The following CTNNA1 variants were observed in gnomAD, a reference collection of about 807,000 sequenced individuals.
The protein encoded by CTNNA1 is catenin alpha 1.
Under a neutral mutation model 98.4 loss-of-function variants are expected in CTNNA1, and 37 were observed. The observed-to-expected ratio is 0.38, with a 90% CI of 0.29 to 0.49. The LOEUF (loss-of-function observed/expected upper bound fraction) is 0.49. Among genes scored for constraint, CTNNA1 ranks in the 20% least tolerant of loss-of-function variants. The pLI is 0.95. For missense variants in CTNNA1, 761 were observed against 1,147.2 expected, an observed-to-expected ratio of 0.66 and a Z score of 4.86; for synonymous variants, 404 against 413.2, an observed-to-expected ratio of 0.98 and a Z score of 0.27.
chr5:138,776,608 C>T (rs1410573536), intron 1 of CTNNA1, among the ~76,000 whole-genome samples: 3 of 152,058 alleles, frequency 2.0e-5, no homozygotes, highest in African/African-American at 4.8e-5. Flanking sequence ...TCCTCACTTC[C>T]CAGTAGGAGC....
At chr5:138,811,373 G>A (rs1758765748) in intron 4 of CTNNA1, among the ~76,000 whole-genome samples, 1 of 125,154 alleles carries the variant, frequency 8.0e-6, no homozygotes, top group Non-Finnish European at 1.8e-5. Flanking sequence ...GCCGGGAAGA[G>A]GCGCTCCTCA....
In CTNNA1 at chr5:138,810,075, T is replaced by A. The variant is rs773771416; in HGVS notation, c.339T>A (p.Asp113Glu). 17 of 1,613,770 alleles carry A rather than the reference T, an allele frequency of 1.1e-5. No homozygotes were observed. Among genetic ancestry groups the A allele is most frequent in the Middle Eastern group, 1.6e-4 (1 of 6,078 alleles). ...AGGCTGCTGCAGGAGAGTTCGCAGATGATCCCTGCTCTTCTGTGAAGCGAG... is the reference window on the plus strand; with the variant it reads ...AGGCTGCTGCAGGAGAGTTCGCAGAAGATCCCTGCTCTTCTGTGAAGCGAG... ...LMKAAAGEFADDPCSSVKRGN... is the reference protein window; with the variant it reads ...LMKAAAGEFAEDPCSSVKRGN... Residue 113 changes from aspartate (D) to glutamate (E), a missense_variant, in exon 4 of 18, where the codon GAT (aspartate) becomes GAA (glutamate). Coordinates refer to ENST00000302763, the MANE Select transcript of CTNNA1 (RefSeq NM_001903.5).
intron 1 of CTNNA1, among the ~76,000 whole-genome samples, chr5:138,773,152 G>C (rs1007075959): frequency 1.3e-5 from 2 of 152,284 alleles, no homozygotes; most frequent in South Asian, 4.1e-4. Flanking sequence ...AACATGCCTT[G>C]GCTCTGTAGC....
At chr5:138,769,497 T>C (rs1353051852) in intron 1 of CTNNA1, among the ~76,000 whole-genome samples, 2 of 152,040 alleles carry the variant, frequency 1.3e-5, no homozygotes, top group African/African-American at 4.8e-5. Context: ...CAAGTGATTC[T>C]CCTGCCTCAG....
chr5:138,809,348 C>T (rs1758432687), intron 3 of CTNNA1, among the ~76,000 whole-genome samples: 1 of 152,136 alleles, frequency 6.6e-6, no homozygotes. Context: ...CTTTTGACTC[C>T]AGTCTTTCCT....
At chr5:138,870,479 G>A (rs1285123759) in intron 7 of CTNNA1, 1 of 152,266 alleles carries the variant, frequency 6.6e-6, no homozygotes, top group African/African-American at 2.4e-5. Context: ...GCTAGCCTTG[G>A]CTATGCTGTT....
chr5:138,770,691 G>A (rs1014453046), intron 1 of CTNNA1, among the ~76,000 whole-genome samples: 5 of 152,148 alleles, frequency 3.3e-5, no homozygotes, highest in Admixed American at 6.5e-5. Flanking sequence ...GGTGGCTCAT[G>A]CCTTTAATCC....
intron 3 of CTNNA1, among the ~76,000 whole-genome samples, chr5:138,785,663 C>T (rs549748962): frequency 7.2e-5 from 11 of 152,186 alleles, no homozygotes; most frequent in African/African-American, 1.9e-4. Context: ...TGGGTTCAAG[C>T]GATTCTTCTG....
intron 5 of CTNNA1, among the ~76,000 whole-genome samples, chr5:138,813,213 T>A (rs142913244): frequency 1.4e-4 from 21 of 152,314 alleles, no homozygotes; most frequent in African/African-American, 4.8e-4. Context: ...ATCACTATCG[T>A]CTTCAGTGTG....
chr5:138,865,226 G>A (rs1182576127), intron 7 of CTNNA1, among the ~76,000 whole-genome samples: 1 of 152,208 alleles, frequency 6.6e-6, no homozygotes, highest in Admixed American at 6.5e-5. Context: ...TGGTCCCAGG[G>A]ATGTGATAAA....
At position 138,916,177 on chromosome 5, in the gene CTNNA1, C is replaced by CAAAA. The variant is rs56935188; in HGVS notation, c.1390-1554_1390-1551dup. Reference sequence around the variant, plus strand: ...GAGATAGAAAGCAAATTAGTGGTTGCAAAAAAAAAAAAAAGAAGGGGCTAA... The same window carrying CAAAA: ...GAGATAGAAAGCAAATTAGTGGTTGCAAAAAAAAAAAAAAAAAAGAAGGGGCTAA... On this transcript the variant is annotated intron_variant, in intron 10 of 17. Transcript: ENST00000302763. Among the ~76,000 whole-genome samples the CAAAA allele has an allele frequency of 3.5e-4, 40 of 115,118 alleles. 1 individual carries two copies. Among genetic ancestry groups the CAAAA allele is most frequent in the Non-Finnish European group, 5.1e-4 (29 of 57,096 alleles). The allele number at this position is 115,118 out of a possible 152,430, so 75.5% of individuals were successfully genotyped here.
chr5:138,785,287 T>C (rs1335225048), intron 3 of CTNNA1, among the ~76,000 whole-genome samples: 3 of 151,786 alleles, frequency 2.0e-5, no homozygotes, highest in Non-Finnish European at 4.4e-5. Context: ...GGTCTCGATC[T>C]CCTGACCTCG....
chr5:138,856,987 G>T (rs1271437854), intron 7 of CTNNA1, among the ~76,000 whole-genome samples: 1 of 152,162 alleles, frequency 6.6e-6, no homozygotes, highest in African/African-American at 2.4e-5. Flanking sequence ...TCTGGTGAAT[G>T]AATGATTTCT....
chr5:138,912,753 T>A (rs981165242), intron 10 of CTNNA1, among the ~76,000 whole-genome samples: 1 of 133,914 alleles, frequency 7.5e-6, no homozygotes, highest in African/African-American at 3.0e-5. Flanking sequence ...TTTCCATTTT[T>A]AAAATTATAT....
chr5:138,923,963 A>G (rs1051840866), intron 11 of CTNNA1, among the ~76,000 whole-genome samples: 30 of 152,334 alleles, frequency 2.0e-4, no homozygotes, highest in African/African-American at 6.5e-4. Context: ...GGGTTATTAA[A>G]TAGTTCATCT....
chr5:138,794,640 G>A (rs759766882), intron 3 of CTNNA1, among the ~76,000 whole-genome samples: 3 of 152,122 alleles, frequency 2.0e-5, no homozygotes, highest in Non-Finnish European at 4.4e-5. Context: ...CTTTGCATCT[G>A]TATTGCCAAT....
chr5:138,916,983 A>G (rs1189893924), intron 10 of CTNNA1, among the ~76,000 whole-genome samples: 1 of 145,460 alleles, frequency 6.9e-6, no homozygotes, highest in East Asian at 1.9e-4. Flanking sequence ...CATGTTGGTC[A>G]GGCTGGTCTC....
In CTNNA1 at chr5:138,856,757, CTCAA is replaced by C. The variant is rs1763764644; in HGVS notation, c.1062+29040_1062+29043del. Among the ~76,000 whole-genome samples, 3 of 152,276 alleles carry C rather than the reference CTCAA, an allele frequency of 2.0e-5. No homozygotes were observed. The South Asian group carries it at 6.2e-4, about 32-fold the overall frequency. On this transcript the variant is annotated intron_variant, in intron 7 of 17. Transcript: ENST00000302763. Reference sequence around the variant, plus strand: ...GTGGATTTTACTAGGGTAAATTGGACTCAAGCAAGAGTGTTTCCCTCTACTACAA... The same window carrying C: ...GTGGATTTTACTAGGGTAAATTGGACGCAAGAGTGTTTCCCTCTACTACAA...
At chr5:138,823,161 T>C (rs926264121) in intron 5 of CTNNA1, among the ~76,000 whole-genome samples, 11 of 152,236 alleles carry the variant, frequency 7.2e-5, no homozygotes, top group Non-Finnish European at 1.5e-4. Flanking sequence ...TGGTGATCCA[T>C]TTTTACTAAA....
Sources: gnomAD v4.1 joint callset for allele counts (sites outside exome capture counted in the v4.1 genomes callset) on GRCh38, gnomAD v4.1.1 for gene constraint, MANE v1.5 for transcripts, NCBI Gene and HGNC (gene_info 2026-07-23, HGNC 2026-07-21) for gene names.